Variants in CADPS observed in about 807,000 individuals in gnomAD.
The protein encoded by CADPS is calcium-dependent secretion activator 1.
A neutral mutation model predicts 167.3 loss-of-function variants in CADPS; 57 were observed. The ratio of observed to expected loss-of-function variants is 0.34; its 90% CI spans 0.28 to 0.42. CADPS has a LOEUF of 0.42. CADPS is among the 20% of genes least tolerant of loss of function. The probability of loss-of-function intolerance (pLI) is 1.00; values close to 1 mark genes in which losing one functional copy is unlikely to be tolerated. For synonymous variants in CADPS, 676 were observed against 635.3 expected, an observed-to-expected ratio of 1.06 and a Z score of -0.96; for missense variants, 1,414 against 1,738.1, an observed-to-expected ratio of 0.81 and a Z score of 3.32.
chr3:62,679,977 A>G (rs2076897486), intron 3 of CADPS, among the ~76,000 whole-genome samples: 1 of 151,980 alleles, frequency 6.6e-6, no homozygotes, highest in Admixed American at 6.6e-5. Flanking sequence ...AGATCCTTCC[A>G]TAAACTTTCC....
At chr3:62,587,497 G>T (rs996019183) in intron 7 of CADPS, among the ~76,000 whole-genome samples, 2 of 152,198 alleles carry the variant, frequency 1.3e-5, no homozygotes, top group Non-Finnish European at 2.9e-5. Context: ...AGAGGTAGGG[G>T]TGAGATGTGC....
intron 1 of CADPS, among the ~76,000 whole-genome samples, chr3:62,856,716 T>G (rs1328781957): frequency 6.6e-6 from 1 of 151,950 alleles, no homozygotes; most frequent in Non-Finnish European, 1.5e-5. Context: ...AAAAATTTAG[T>G]GCATTTGACA....
rs150661554 is a variant in CADPS, at chr3:62,431,394, C to T, written c.3777+6710G>A. On this transcript the variant is annotated intron_variant, in intron 28 of 29. Coordinates refer to ENST00000383710, the MANE Select transcript of CADPS (RefSeq NM_003716.4). The stretch of plus-strand genomic sequence containing the variant: ...TCTGTGAGTTTTTTACAGTTTAGCC[C>T]CCCCTCAATCTTTTTTTTTTAAACT... Among the ~76,000 whole-genome samples the T allele has an allele frequency of 5.5e-4, 84 of 152,110 alleles. No homozygotes were observed. In the East Asian group the frequency reaches 0.012, roughly 21 times the overall value.
chr3:62,693,587 A>T (rs1026826977), intron 3 of CADPS, among the ~76,000 whole-genome samples: 2 of 151,842 alleles, frequency 1.3e-5, no homozygotes, highest in Admixed American at 1.3e-4. Flanking sequence ...TTCGAGACCA[A>T]CCTGGGCAAT....
chr3:62,487,450 G>C (rs201589334), intron 21 of CADPS, among the ~76,000 whole-genome samples: 3 of 152,274 alleles, frequency 2.0e-5, no homozygotes, highest in African/African-American at 7.2e-5. Flanking sequence ...TACATGTCCT[G>C]ATGGAAACCC....
At chr3:62,516,498 G>T in intron 15 of CADPS, 82 bp downstream of exon 15, 1 of 1,078,352 alleles carries the variant, frequency 9.3e-7, no homozygotes, top group Non-Finnish European at 1.4e-6. Flanking sequence ...TTACAACTAG[G>T]TCATTCAACC....
At position 62,764,747 on chromosome 3, in the gene CADPS, C is replaced by A. The variant is rs552894917; in HGVS notation, c.555+1124G>T. ...CTGAATCAGATGGGCAGACTAAGTACGTGCTTAGAGCACCAGCAAAGCAGG... is the reference window on the plus strand; with the variant it reads ...CTGAATCAGATGGGCAGACTAAGTAAGTGCTTAGAGCACCAGCAAAGCAGG... On this transcript the variant is annotated intron_variant, in intron 2 of 29. Coordinates refer to ENST00000383710, the MANE Select transcript of CADPS (RefSeq NM_003716.4). Among the ~76,000 whole-genome samples, 44 of 152,232 alleles carry A rather than the reference C, an allele frequency of 2.9e-4. No individual in the cohort carries two copies. The Middle Eastern group carries it at 0.034, about 118-fold the overall frequency.
intron 6 of CADPS, among the ~76,000 whole-genome samples, chr3:62,636,677 T>C (rs537848051): frequency 1.5e-4 from 23 of 152,242 alleles, no homozygotes; most frequent in African/African-American, 4.3e-4. Context: ...GAAAGTATTA[T>C]CTTAGCTGCA....
rs758318798 is a variant in CADPS at position 62,466,351 on chromosome 3, G to A, written c.3540C>T (p.Leu1180=). 6.8e-6 allele frequency: 11 copies of A among 1,610,158 alleles called. No individual in the cohort carries two copies. In the South Asian group the frequency reaches 9.9e-5, roughly 14 times the overall value. Residue 1180 remains leucine, a synonymous_variant, in exon 25 of 30, where the codon CTC becomes CTT. Transcript: ENST00000383710. ...IEETVKEMIT[L]LVAKFVTILE... ...AGCTGGAGGTTACCTTTGCAACCAA[G>A]AGTGTTATCATTTCTTTAACAGTTT... is the stretch of plus-strand genomic sequence containing the variant.
intron 12 of CADPS, among the ~76,000 whole-genome samples, chr3:62,535,754 G>A (rs1386338241): frequency 1.3e-5 from 2 of 151,974 alleles, no homozygotes; most frequent in Admixed American, 6.6e-5. Flanking sequence ...AGCCAAAAAT[G>A]TATCTTCAGA....
At chr3:62,508,961 CA>C (rs2067197658) in intron 17 of CADPS, among the ~76,000 whole-genome samples, 1 of 151,862 alleles carries the variant, frequency 6.6e-6, no homozygotes, top group Non-Finnish European at 1.5e-5. Context: ...TGCTAGTCCA[CA>C]GAATAATCTG....
At chr3:62,599,939 T>C (rs1379376903) in intron 6 of CADPS, among the ~76,000 whole-genome samples, 2 of 105,138 alleles carry the variant, frequency 1.9e-5, no homozygotes, top group African/African-American at 7.5e-5. Context: ...ATATATAATA[T>C]ATATAATGTA....
At chr3:62,761,749 A>C (rs552129568) in intron 2 of CADPS, among the ~76,000 whole-genome samples, 1 of 152,220 alleles carries the variant, frequency 6.6e-6, no homozygotes, top group South Asian at 2.1e-4. Flanking sequence ...AAAAATAGTT[A>C]GAAAAGGTGT....
In CADPS at chr3:62,470,192, C is replaced by T. The variant is rs140921824; in HGVS notation, c.3478-3779G>A. On this transcript the variant is annotated intron_variant, in intron 24 of 29. Transcript: ENST00000383710. ...ACAAATGTTTCAGCAGCTGCCTTTA[C>T]ATGTGATATTACCCAATGATGAAAT... is the stretch of plus-strand genomic sequence containing the variant. Among the ~76,000 whole-genome samples, 411 of 152,308 alleles carry T rather than the reference C, an allele frequency of 2.7e-3. 1 individual carries two copies. The highest frequency in any genetic ancestry group is 9.5e-3 in the African/African-American group (395 of 41,578).
intron 9 of CADPS, among the ~76,000 whole-genome samples, chr3:62,563,555 C>T (rs577771619): frequency 1.1e-4 from 16 of 152,210 alleles, no homozygotes; most frequent in African/African-American, 3.6e-4. Context: ...TGTTTTATTT[C>T]CATAAGTTTT....
rs915440967 is a variant in CADPS at position 62,603,307 on chromosome 3, C to A, written c.1326-10559G>T. 3.3e-5 allele frequency among the ~76,000 whole-genome samples: 5 copies of A among 152,292 alleles called. No homozygotes were observed. The East Asian group carries it at 9.7e-4, about 29-fold the overall frequency. On this transcript the variant is annotated intron_variant, in intron 6 of 29. Coordinates refer to ENST00000383710, the MANE Select transcript of CADPS (RefSeq NM_003716.4). Reference sequence around the variant, plus strand: ...ATGAAATTTAACAATGCTTGATTATCCATGGACATTATTTGGTATGGTTCA... The same window carrying A: ...ATGAAATTTAACAATGCTTGATTATACATGGACATTATTTGGTATGGTTCA...
intron 3 of CADPS, among the ~76,000 whole-genome samples, chr3:62,690,282 T>A (rs547625214): frequency 1.3e-5 from 2 of 152,168 alleles, no homozygotes; most frequent in Admixed American, 6.5e-5. Context: ...TGTGACTTAT[T>A]GTCAAGTTTT....
At chr3:62,576,465 G>A (rs2082280006) in intron 8 of CADPS, among the ~76,000 whole-genome samples, 1 of 151,968 alleles carries the variant, frequency 6.6e-6, no homozygotes, top group South Asian at 2.1e-4. Context: ...AAGTATTATT[G>A]TTATTGTTGT....
intron 13 of CADPS, among the ~76,000 whole-genome samples, chr3:62,528,395 A>G (rs944508155): frequency 1.3e-5 from 2 of 152,232 alleles, no homozygotes; most frequent in Admixed American, 1.3e-4. Context: ...ATGAGATAAC[A>G]TATATCAACA....
Sources: gnomAD v4.1 joint callset for allele counts (sites outside exome capture counted in the v4.1 genomes callset) on GRCh38, gnomAD v4.1.1 for gene constraint, MANE v1.5 for transcripts, NCBI Gene and HGNC (gene_info 2026-07-23, HGNC 2026-07-21) for gene names.